Variants in KAZN observed in about 807,000 individuals in gnomAD.
KAZN encodes the protein kazrin.
Under a neutral mutation model 87.4 loss-of-function variants are expected in KAZN, and 40 were observed. The observed-to-expected ratio is 0.46, with a 90% CI of 0.36 to 0.60. The LOEUF (loss-of-function observed/expected upper bound fraction) is 0.60. Among genes scored for constraint, KAZN ranks in the 20% least tolerant of loss-of-function variants. The pLI is 0.00. For synonymous variants in KAZN, 466 were observed against 458.3 expected (o/e 1.02, Z -0.22); for missense variants, 898 against 1,073.9 (o/e 0.84, Z 2.29).
intron 1 of KAZN, among the ~76,000 whole-genome samples, chr1:14,936,601 G>A (rs767975313): frequency 1.3e-5 from 2 of 152,002 alleles, no homozygotes; most frequent in Non-Finnish European, 2.9e-5. Context: ...TACCTGCTCC[G>A]CCCCCTTTTA....
At chr1:14,092,164 C>T (rs1644011907) in intron 1 of KAZN, among the ~76,000 whole-genome samples, 1 of 146,918 alleles carries the variant, frequency 6.8e-6, no homozygotes, top group Non-Finnish European at 1.5e-5. Flanking sequence ...AATCTCAGCT[C>T]ACTGAAAGCT....
In KAZN at chr1:15,066,059, C is replaced by T. The variant is rs1639202901; in HGVS notation, c.1222+306C>T. 5 of 1,207,044 alleles carry T rather than the reference C, an allele frequency of 4.1e-6. No homozygotes were observed. Among genetic ancestry groups the T allele is most frequent in the Non-Finnish European group, 3.1e-6 (3 of 971,572 alleles). The allele number at this position is 1,207,044 out of a possible 1,614,324, so 74.8% of individuals were successfully genotyped here. A position where few individuals can be genotyped will look rare whatever the true frequency, so the allele number is the denominator to read the frequency against. On this transcript the variant is annotated intron_variant, in intron 8 of 14. Transcript: ENST00000376030. The surrounding 1 kb of genome is among the most constrained non-coding windows in gnomAD (Gnocchi z 4.3). ...TGTCAACTCTCTGTCGTCTTTGGAGCGATACAGTTGTGTTGTTAATCTGGT... is the reference window on the plus strand; with the variant it reads ...TGTCAACTCTCTGTCGTCTTTGGAGTGATACAGTTGTGTTGTTAATCTGGT...
chr1:14,126,828 A>C (rs999540088), intron 1 of KAZN, among the ~76,000 whole-genome samples: 1 of 152,210 alleles, frequency 6.6e-6, no homozygotes, highest in Non-Finnish European at 1.5e-5. Flanking sequence ...ACCATTGGCC[A>C]GGTGCGGTGG....
chr1:14,641,714 C>T (rs570628023), intron 1 of KAZN, among the ~76,000 whole-genome samples: 41 of 152,316 alleles, frequency 2.7e-4, no homozygotes, highest in African/African-American at 9.6e-4. Flanking sequence ...TACCACCCTT[C>T]GTTACGAGAA....
intron 1 of KAZN, among the ~76,000 whole-genome samples, chr1:14,132,520 G>C (rs748864808): frequency 7.2e-5 from 11 of 152,094 alleles, no homozygotes; most frequent in Non-Finnish European, 1.3e-4. Context: ...CTTGAAGGTG[G>C]GTACGGAAGC....
chr1:14,563,874 C>CTTTTTTTTTTATTTTTTTTTTTTTT (rs1674393870), intron 2 of KAZN, among the ~76,000 whole-genome samples: 1 of 97,928 alleles, frequency 1.0e-5, no homozygotes, highest in Non-Finnish European at 2.0e-5. Flanking sequence ...GTTCAAACTC[C>CTTTTTTTTTTATTTTTTTTTTTTTT]TTTTTTTTTT....
intron 1 of KAZN, among the ~76,000 whole-genome samples, chr1:14,952,810 T>G (rs953884819): frequency 6.6e-6 from 1 of 152,226 alleles, no homozygotes; most frequent in Non-Finnish European, 1.5e-5. Context: ...CTCCGGAAGA[T>G]CAAGGAGGTT....
intron 2 of KAZN, among the ~76,000 whole-genome samples, chr1:14,414,311 A>C (rs1343329207): frequency 1.3e-5 from 2 of 151,712 alleles, no homozygotes; most frequent in Non-Finnish European, 2.9e-5. Context: ...TGGTAAAGCC[A>C]AAGAGTATTT....
At chr1:14,924,732 G>A (rs995565280) in intron 1 of KAZN, among the ~76,000 whole-genome samples, 2 of 152,084 alleles carry the variant, frequency 1.3e-5, no homozygotes, top group African/African-American at 2.4e-5. Flanking sequence ...GGTGCAGCGG[G>A]AGGCGTGCGG....
chr1:14,565,429 C>A (rs1674498285), intron 2 of KAZN, among the ~76,000 whole-genome samples: 1 of 152,132 alleles, frequency 6.6e-6, no homozygotes, highest in East Asian at 1.9e-4. Flanking sequence ...ATCACCTGAG[C>A]CTTTAGCAAA....
chr1:14,060,647 T>C (rs754967681), intron 1 of KAZN, among the ~76,000 whole-genome samples: 11 of 152,190 alleles, frequency 7.2e-5, no homozygotes, highest in Non-Finnish European at 1.5e-4. Context: ...ATCTGTGACA[T>C]CTGTGACAAT....
At chr1:14,042,107 TTCTC>T (rs888524594) in intron 1 of KAZN, among the ~76,000 whole-genome samples, 1 of 152,128 alleles carries the variant, frequency 6.6e-6, no homozygotes, top group African/African-American at 2.4e-5. Context: ...GTTTTCTCTG[TTCTC>T]TCTCTCTGGA....
intron 2 of KAZN, among the ~76,000 whole-genome samples, chr1:14,403,054 T>G (rs1663546116): frequency 6.6e-6 from 1 of 152,182 alleles, no homozygotes; most frequent in Non-Finnish European, 1.5e-5. Flanking sequence ...CTTGAACTCC[T>G]GGCCTCAAGT....
chr1:14,854,777 C>T (rs1349614966), intron 1 of KAZN, among the ~76,000 whole-genome samples: 1 of 152,072 alleles, frequency 6.6e-6, no homozygotes, highest in Non-Finnish European at 1.5e-5. Flanking sequence ...TGGATGGGGA[C>T]AAACCACATC....
chr1:14,832,039 C>T lies in KAZN; in HGVS notation c.227-128645C>T, dbSNP rs781217529. Among the ~76,000 whole-genome samples, 5 of 151,790 alleles carry T rather than the reference C, an allele frequency of 3.3e-5. No homozygotes were observed. The South Asian group carries it at 6.3e-4, about 19-fold the overall frequency. On this transcript the variant is annotated intron_variant, in intron 1 of 14. Coordinates refer to ENST00000376030, the MANE Select transcript of KAZN (RefSeq NM_201628.3). Reference sequence around the variant, plus strand: ...GTGAAACCCCATCTCTATAAAAGTACAAAAAAATTAGCCAGGCATGGTGGC... The same window carrying T: ...GTGAAACCCCATCTCTATAAAAGTATAAAAAAATTAGCCAGGCATGGTGGC...
At chr1:14,040,777 A>ATAAAATAAAATTAAATTAAAT (rs1557426836) in intron 1 of KAZN, among the ~76,000 whole-genome samples, 2 of 106,736 alleles carry the variant, frequency 1.9e-5, no homozygotes, top group Non-Finnish European at 5.0e-5. Flanking sequence ...AAAAATTAAA[A>ATAAAATAAAATTAAATTAAAT]TAAAATAAAA....
chr1:14,315,471 C>G (rs757638544), intron 2 of KAZN, among the ~76,000 whole-genome samples: 2 of 152,012 alleles, frequency 1.3e-5, no homozygotes, highest in Non-Finnish European at 2.9e-5. Context: ...CATATAGATG[C>G]CTGTATAACC....
intron 1 of KAZN, among the ~76,000 whole-genome samples, chr1:14,937,362 T>A (rs183333931): frequency 1.8e-4 from 28 of 152,336 alleles, no homozygotes; most frequent in Admixed American, 1.6e-3. Context: ...TTTTCTCTTT[T>A]ACGAGTTGTT....
chr1:14,208,684 G>C (rs1314275881), intron 2 of KAZN, among the ~76,000 whole-genome samples: 1 of 152,194 alleles, frequency 6.6e-6, no homozygotes, highest in African/African-American at 2.4e-5. Flanking sequence ...TTCATCCTGA[G>C]AATAATGCTG....
Sources: allele counts gnomAD v4.1 joint callset (sites outside exome capture counted in the v4.1 genomes callset), GRCh38; gene constraint gnomAD v4.1.1; non-coding constraint Gnocchi (gnomAD v3.1); transcripts MANE v1.5; gene names NCBI Gene and HGNC (gene_info 2026-07-23, HGNC 2026-07-21).